Variants in BEGAIN observed in about 807,000 individuals in gnomAD.
The protein encoded by BEGAIN is brain-enriched guanylate kinase-associated protein.
BEGAIN carries 19 observed loss-of-function variants against 35.8 expected under a neutral mutation model. That is an observed-to-expected ratio of 0.53 (90% CI 0.37 to 0.78). BEGAIN has a LOEUF of 0.78. Among genes scored for constraint, BEGAIN ranks in the 30% least tolerant of loss-of-function variants. BEGAIN has a pLI of 0.00. For synonymous variants in BEGAIN, 462 were observed against 388.6 expected (o/e 1.19, Z -2.22); for missense variants, 795 against 853.6 (o/e 0.93, Z 0.85).
At chr14:100,555,582 G>A (rs2033639246) in intron 2 of BEGAIN, among the ~76,000 whole-genome samples, 1 of 152,256 alleles carries the variant, frequency 6.6e-6, no homozygotes, top group Non-Finnish European at 1.5e-5. Flanking sequence ...CAGGTTCACA[G>A]CGCTCAAGGA....
chr14:100,546,771 C>CGT, intron 2 of BEGAIN, 109 bp from the exon 3 acceptor site: 3 of 771,150 alleles, frequency 3.9e-6, no homozygotes, highest in Non-Finnish European at 5.3e-6. Context: ...CCGGCGCGCG[C>CGT]GCGCGCGCGC....
intron 2 of BEGAIN, among the ~76,000 whole-genome samples, chr14:100,561,580 C>T (rs2034260617): frequency 6.6e-6 from 1 of 152,088 alleles, no homozygotes; most frequent in South Asian, 2.1e-4. Flanking sequence ...GACACCCTGT[C>T]TCTACCAAAA....
chr14:100,576,626 C>T (rs1041063085), intron 1 of BEGAIN, among the ~76,000 whole-genome samples: 15 of 152,136 alleles, frequency 9.9e-5, no homozygotes, highest in Admixed American at 2.6e-4. Context: ...GAGCAACATC[C>T]GGGCAGCCCA....
intron 1 of BEGAIN, among the ~76,000 whole-genome samples, chr14:100,584,370 G>A (rs1469556270): frequency 1.3e-5 from 2 of 152,222 alleles, no homozygotes; most frequent in African/African-American, 4.8e-5. Context: ...CCACTTTTGA[G>A]TTCCCTTCCT....
In BEGAIN at chr14:100,538,815, G is replaced by T; in HGVS notation, c.993C>A (p.His331Gln). ...ACGCGGTCAGCGTGCTGGCCTGCGC[G>T]TGCTCCTTCTCCTCCGACGTGGCGC... The part of the protein sequence containing the change: ...SFSATSEEKE[H>Q]AQASTLTASQ... Residue 331 changes from histidine to glutamine, a missense_variant, in exon 7 of 7, where the codon CAC (histidine) becomes CAA (glutamine). This residue lies in a region of BEGAIN where 664 missense variants were observed against 647.7 expected (regional missense o/e 1.03). Coordinates refer to ENST00000554140, the MANE Select transcript of BEGAIN (RefSeq NM_001385089.1). The T allele has an allele frequency of 6.2e-7, 1 of 1,603,886 alleles. No homozygotes were observed.
At chr14:100,572,150 G>A (rs894383761) in intron 1 of BEGAIN, among the ~76,000 whole-genome samples, 3 of 152,162 alleles carry the variant, frequency 2.0e-5, no homozygotes, top group Non-Finnish European at 2.9e-5. Context: ...CTGCCCCTGC[G>A]CGGGAGGGCA....
At chr14:100,545,873 C>T (rs965543596) in intron 3 of BEGAIN, 5 of 152,252 alleles carry the variant, frequency 3.3e-5, no homozygotes, top group African/African-American at 1.2e-4. Flanking sequence ...CGATTCTCTA[C>T]AAATACCTAA....
rs2034952949 is a variant in BEGAIN at position 100,568,876 on chromosome 14, A to G, written c.43-937T>C. 1.0e-6 allele frequency: 1 copy of G among 985,228 alleles called. No homozygotes were observed. Among genetic ancestry groups the G allele is most frequent in the Non-Finnish European group, 1.2e-6 (1 of 830,294 alleles). The allele number at this position is 985,228 out of a possible 1,614,324, so 61.0% of individuals were successfully genotyped here. A position where few individuals can be genotyped will look rare whatever the true frequency, so the allele number is the denominator to read the frequency against. ...GGCACTCAAGGGGGACAGGGGTCCG[A>G]GCTCAGGGACCACGCGACAGACCTG... On this transcript the variant is annotated intron_variant, in intron 1 of 6. Transcript: ENST00000554140. This position sits in a 1 kb window ranked among gnomAD's most constrained non-coding sequence, Gnocchi z 7.5.
chr14:100,537,334 C>G lies in BEGAIN; in HGVS notation c.*635G>C, dbSNP rs1391705213. 1.2e-4 allele frequency: 18 copies of G among 152,638 alleles called. No individual in the cohort carries two copies. Among genetic ancestry groups the G allele is most frequent in the Admixed American group, 1.2e-3 (18 of 15,286 alleles). The allele number at this position is 152,638 out of a possible 1,614,324, so 9.5% of individuals were successfully genotyped here. A position where few individuals can be genotyped will look rare whatever the true frequency, so the allele number is the denominator to read the frequency against. On this transcript the variant is annotated 3_prime_UTR_variant, in exon 7 of 7. Coordinates refer to ENST00000554140, the MANE Select transcript of BEGAIN (RefSeq NM_001385089.1). ...GAGATGAGCACCGGCCGCACTGGGGCATCATCCCGGCCCACCCGGGACGAT... is the reference window on the plus strand; with the variant it reads ...GAGATGAGCACCGGCCGCACTGGGGGATCATCCCGGCCCACCCGGGACGAT...
intron 1 of BEGAIN, among the ~76,000 whole-genome samples, chr14:100,571,895 T>C (rs2035090830): frequency 6.6e-6 from 1 of 152,188 alleles, no homozygotes; most frequent in Non-Finnish European, 1.5e-5. Context: ...CTCCCTTCCC[T>C]GACTACCCAT....
rs943461909 is a variant in BEGAIN at position 100,538,681 on chromosome 14, G to A, written c.1127C>T (p.Ala376Val). Residue 376 changes from alanine (A) to valine (V), a missense_variant, in exon 7 of 7, where the codon GCG becomes GTG. By Grantham distance (64) the Ala-to-Val change is moderately conservative (BLOSUM62 0). This residue lies in a region of BEGAIN where 664 missense variants were observed against 647.7 expected (regional missense o/e 1.03). Coordinates refer to ENST00000554140, the MANE Select transcript of BEGAIN (RefSeq NM_001385089.1). Reference sequence around the variant, plus strand: ...GGCCACTTCGGCCTCCAGCGGGGCCGCCACCGCGGCCGTGGCCTTGGCAAA... The same window carrying A: ...GGCCACTTCGGCCTCCAGCGGGGCCACCACCGCGGCCGTGGCCTTGGCAAA... ...PRFAKATAAVAAPLEAEVAPG... is the reference protein window; with the variant it reads ...PRFAKATAAVVAPLEAEVAPG... 2 of 1,552,400 alleles carry A rather than the reference G, an allele frequency of 1.3e-6. No individual in the cohort carries two copies. Among genetic ancestry groups the A allele is most frequent in the South Asian group, 2.4e-5 (2 of 84,316 alleles).
chr14:100,568,941 G>C lies in BEGAIN; in HGVS notation c.43-1002C>G. 1.0e-6 allele frequency: 1 copy of C among 983,492 alleles called. No homozygotes were observed. Among genetic ancestry groups the C allele is most frequent in the Non-Finnish European group, 1.2e-6 (1 of 829,368 alleles). 60.9% of individuals were successfully genotyped at this position (983,492 alleles called of 1,614,324 possible). A position where few individuals can be genotyped will look rare whatever the true frequency, so the allele number is the denominator to read the frequency against. On this transcript the variant is annotated intron_variant, in intron 1 of 6. Transcript: ENST00000554140. The surrounding 1 kb of genome is among the most constrained non-coding windows in gnomAD (Gnocchi z 7.5). Reference sequence around the variant, plus strand: ...TGCCCATCCCGGCCCCTCGCGCCGGGCGCCGCCGCCGCGTCCGCCGGGAGC... The same window carrying C: ...TGCCCATCCCGGCCCCTCGCGCCGGCCGCCGCCGCCGCGTCCGCCGGGAGC...
intron 1 of BEGAIN, among the ~76,000 whole-genome samples, chr14:100,578,808 G>A (rs1239415543): frequency 6.6e-6 from 1 of 151,184 alleles, no homozygotes; most frequent in Admixed American, 6.6e-5. Context: ...GATATCTCAT[G>A]ACCACTGAAT....
chr14:100,544,850 C>A (rs1427115633), intron 4 of BEGAIN, 150 bp downstream of exon 4: 3 of 838,390 alleles, frequency 3.6e-6, no homozygotes, highest in Non-Finnish European at 5.8e-6. Flanking sequence ...CCTGAGAGCA[C>A]ACACCCTGCT....
At chr14:100,576,461 C>T (rs543196058) in intron 1 of BEGAIN, among the ~76,000 whole-genome samples, 5 of 152,320 alleles carry the variant, frequency 3.3e-5, no homozygotes, top group African/African-American at 4.8e-5. Flanking sequence ...GAGTATCACT[C>T]GGCGAGAGTC....
chr14:100,538,664 C>CGGCCTCCAGCGG lies in BEGAIN; in HGVS notation c.1132_1143dup (p.Pro378_Ala381dup). On this transcript the variant is annotated inframe_insertion, in exon 7 of 7. Transcript: ENST00000554140. ...GTCCGCCCGAAGCCTGGGGCCACTT[C>CGGCCTCCAGCGG]GGCCTCCAGCGGGGCCGCCACCGCG... 2 of 1,550,382 alleles carry CGGCCTCCAGCGG rather than the reference C, an allele frequency of 1.3e-6. No homozygotes were observed. The highest frequency in any genetic ancestry group is 8.7e-7 in the Non-Finnish European group (1 of 1,146,774).
chr14:100,542,822 A>G (rs537142399), intron 5 of BEGAIN, among the ~76,000 whole-genome samples: 1 of 152,180 alleles, frequency 6.6e-6, no homozygotes, highest in Non-Finnish European at 1.5e-5. Flanking sequence ...TGTTTCCAGC[A>G]TGGCAGCCAC....
intron 1 of BEGAIN, among the ~76,000 whole-genome samples, chr14:100,585,531 T>C (rs1162979619): frequency 6.7e-6 from 1 of 150,096 alleles, no homozygotes; most frequent in Non-Finnish European, 1.5e-5. Flanking sequence ...AGTGTTGCCG[T>C]GGAGATGATG....
intron 2 of BEGAIN, among the ~76,000 whole-genome samples, chr14:100,557,040 A>G (rs1369332327): frequency 2.0e-5 from 3 of 151,956 alleles, no homozygotes; most frequent in Non-Finnish European, 2.9e-5. Context: ...CCAGGCCCCC[A>G]GTCCCAGCGC....
Sources: allele counts gnomAD v4.1 joint callset (sites outside exome capture counted in the v4.1 genomes callset), GRCh38; gene constraint gnomAD v4.1.1; regional missense constraint gnomAD v4.1.1; non-coding constraint Gnocchi (gnomAD v3.1); transcripts MANE v1.5; gene names NCBI Gene and HGNC (gene_info 2026-07-23, HGNC 2026-07-21).